The following RPS6KC1 variants were observed in gnomAD, a reference collection of about 807,000 sequenced individuals.
RPS6KC1 encodes the protein inactive ribosomal protein S6 kinase delta-1.
RPS6KC1 carries 54 observed loss-of-function variants against 103.8 expected under a neutral mutation model. That is an observed-to-expected ratio of 0.52 (90% CI 0.42 to 0.65). The LOEUF (loss-of-function observed/expected upper bound fraction) is 0.65. Among genes scored for constraint, RPS6KC1 ranks in the 30% least tolerant of loss-of-function variants. The probability of loss-of-function intolerance (pLI) is 0.00; values close to 1 mark genes in which losing one functional copy is unlikely to be tolerated. For missense variants in RPS6KC1, 1,151 were observed against 1,253.8 expected, an observed-to-expected ratio of 0.92 and a Z score of 1.24; for synonymous variants, 439 against 438.7, an observed-to-expected ratio of 1.00 and a Z score of -0.01.
chr1:213,293,359 C>T, the RPS6KC1 span, among the ~76,000 whole-genome samples: 11 of 152,056 alleles, frequency 7.2e-5, no homozygotes, highest in Non-Finnish European at 1.5e-4. Context: ...GAAAAAATTA[C>T]CCCTGCTTTT....
rs78127776 is a variant in RPS6KC1 at position 213,175,234 on chromosome 1, A to G, written c.952-1166A>G. On this transcript the variant is annotated intron_variant, in intron 7 of 14. Coordinates refer to ENST00000366960, the MANE Select transcript of RPS6KC1 (RefSeq NM_012424.6). ...ACTAACTAAATACTAGCAATATGCT[A>G]GGCACTGTGAATATAGACATGACTA... is the stretch of plus-strand genomic sequence containing the variant. Among the ~76,000 whole-genome samples the G allele has an allele frequency of 2.5e-4, 38 of 152,288 alleles. No homozygotes were observed. The East Asian group carries it at 7.3e-3, about 29-fold the overall frequency.
chr1:213,625,139 G>C, the RPS6KC1 span, among the ~76,000 whole-genome samples: 2 of 151,856 alleles, frequency 1.3e-5, no homozygotes, highest in African/African-American at 4.8e-5. Context: ...CAAAGTGCTA[G>C]GACCACGCCT....
the RPS6KC1 span, among the ~76,000 whole-genome samples, chr1:213,504,215 A>G: frequency 6.6e-6 from 1 of 152,202 alleles, no homozygotes; most frequent in South Asian, 2.1e-4. Context: ...CACATAACAG[A>G]AATAATTCTA....
At chr1:213,396,510 C>G in the RPS6KC1 span, among the ~76,000 whole-genome samples, 1 of 152,322 alleles carries the variant, frequency 6.6e-6, no homozygotes, top group South Asian at 2.1e-4. Context: ...GCTGGACCAC[C>G]GAACACGTGT....
At chr1:213,455,085 T>C in the RPS6KC1 span, among the ~76,000 whole-genome samples, 2 of 152,144 alleles carry the variant, frequency 1.3e-5, no homozygotes, top group Non-Finnish European at 2.9e-5. Flanking sequence ...AAAGGCAAAT[T>C]TGATTCCTCC....
intron 10 of RPS6KC1, among the ~76,000 whole-genome samples, chr1:213,234,127 ATC>A (rs775151256): frequency 5.1e-4 from 77 of 150,678 alleles, no homozygotes; most frequent in Non-Finnish European, 1.0e-3. Flanking sequence ...GGCTCAAGTG[ATC>A]TCCCACCTCA....
the RPS6KC1 span, among the ~76,000 whole-genome samples, chr1:213,330,332 C>T: frequency 6.6e-6 from 1 of 152,304 alleles, no homozygotes; most frequent in East Asian, 1.9e-4. Flanking sequence ...CACAAATACA[C>T]ATTTATTGCT....
chr1:213,109,797 G>A (rs1247666746), intron 4 of RPS6KC1, among the ~76,000 whole-genome samples: 4 of 150,886 alleles, frequency 2.7e-5, no homozygotes, highest in African/African-American at 7.3e-5. Flanking sequence ...TTTGTTTCTC[G>A]TAGGTATACC....
chr1:213,109,320 G>A (rs1240978417), intron 4 of RPS6KC1, among the ~76,000 whole-genome samples: 2 of 151,866 alleles, frequency 1.3e-5, no homozygotes, highest in African/African-American at 2.4e-5. Context: ...TGTATTTTTA[G>A]TAGAGACGGG....
At chr1:213,204,523 C>T (rs1043760533) in intron 8 of RPS6KC1, among the ~76,000 whole-genome samples, 2 of 151,928 alleles carry the variant, frequency 1.3e-5, no homozygotes, top group African/African-American at 4.8e-5. Flanking sequence ...ATATAAATAC[C>T]TCTAAACTCT....
At chr1:213,162,157 A>AT (rs1190124815) in intron 6 of RPS6KC1, among the ~76,000 whole-genome samples, 2 of 151,908 alleles carry the variant, frequency 1.3e-5, no homozygotes, top group African/African-American at 2.4e-5. Flanking sequence ...TTTAATCTTA[A>AT]TTTTTTATAA....
At chr1:213,263,900 AC>A (rs1335131342) in intron 14 of RPS6KC1, among the ~76,000 whole-genome samples, 1 of 152,092 alleles carries the variant, frequency 6.6e-6, no homozygotes, top group Non-Finnish European at 1.5e-5. Context: ...AATGGATGCT[AC>A]TTTTGCTGGG....
chr1:213,737,567 A>G, the RPS6KC1 span, among the ~76,000 whole-genome samples: 4 of 152,174 alleles, frequency 2.6e-5, no homozygotes, highest in African/African-American at 7.2e-5. Context: ...ATAAAACACA[A>G]GCCAGTGTTT....
chr1:213,320,804 T>C, the RPS6KC1 span, among the ~76,000 whole-genome samples: 2 of 152,218 alleles, frequency 1.3e-5, no homozygotes, highest in African/African-American at 2.4e-5. Flanking sequence ...CAATCACTTA[T>C]GCAGCATTAG....
the RPS6KC1 span, among the ~76,000 whole-genome samples, chr1:213,686,073 G>A: frequency 3.9e-5 from 6 of 152,144 alleles, no homozygotes; most frequent in East Asian, 1.2e-3. Flanking sequence ...AGACTAGGGA[G>A]TGTCTACCAT....
chr1:213,136,185 AC>A (rs1344998429), intron 6 of RPS6KC1, among the ~76,000 whole-genome samples: 2 of 152,164 alleles, frequency 1.3e-5, no homozygotes, highest in African/African-American at 4.8e-5. Flanking sequence ...ATGAAAGGTA[AC>A]CCCTGACTAG....
the RPS6KC1 span, among the ~76,000 whole-genome samples, chr1:213,628,272 C>A: frequency 6.6e-6 from 1 of 152,134 alleles, no homozygotes; most frequent in Non-Finnish European, 1.5e-5. Context: ...GTGATGTCCC[C>A]TTTATCATTT....
the RPS6KC1 span, among the ~76,000 whole-genome samples, chr1:213,504,779 T>TC: frequency 5.3e-5 from 8 of 152,354 alleles, no homozygotes; most frequent in African/African-American, 1.7e-4. Flanking sequence ...CTTGTTTTTT[T>TC]CCCCTCTCTC....
the RPS6KC1 span, among the ~76,000 whole-genome samples, chr1:213,388,382 G>A: frequency 6.6e-6 from 1 of 152,252 alleles, no homozygotes; most frequent in Non-Finnish European, 1.5e-5. Flanking sequence ...GGTGTGTGGA[G>A]CATGGGAGCT....
Sources: allele counts gnomAD v4.1 joint callset (sites outside exome capture counted in the v4.1 genomes callset), GRCh38; gene constraint gnomAD v4.1.1; transcripts MANE v1.5; gene names NCBI Gene and HGNC (gene_info 2026-07-23, HGNC 2026-07-21).